The following ARHGEF28 variants were observed in gnomAD, a reference collection of about 807,000 sequenced individuals.
ARHGEF28 encodes the protein 190 kDa guanine nucleotide exchange factor.
Under a neutral mutation model 206.6 loss-of-function variants are expected in ARHGEF28, and 152 were observed. The ratio of observed to expected loss-of-function variants is 0.74; its 90% CI spans 0.64 to 0.84. ARHGEF28 has a LOEUF of 0.84. Among genes scored for constraint, ARHGEF28 ranks in the 40% least tolerant of loss-of-function variants. The pLI is 0.00. For synonymous variants in ARHGEF28, 763 were observed against 776.4 expected (o/e 0.98, Z 0.29); for missense variants, 2,028 against 2,073.2 (o/e 0.98, Z 0.42).
intron 22 of ARHGEF28, 136 bp from the exon 23 acceptor site, chr5:73,882,336 T>C: frequency 1.6e-6 from 1 of 642,468 alleles, no homozygotes; most frequent in East Asian, 3.4e-5. Flanking sequence ...AGGAGATAAG[T>C]GATTGTGTTC....
chr5:73,934,486 T>A (rs575110190), intron 35 of ARHGEF28, among the ~76,000 whole-genome samples: 9 of 152,216 alleles, frequency 5.9e-5, no homozygotes, highest in Non-Finnish European at 1.2e-4. Flanking sequence ...ATTGCCTGGG[T>A]GTAATATAGA....
At chr5:73,813,874 C>G (rs1216360254) in intron 9 of ARHGEF28, among the ~76,000 whole-genome samples, 1 of 150,392 alleles carries the variant, frequency 6.6e-6, no homozygotes, top group Admixed American at 6.6e-5. Flanking sequence ...TTTGAATCTA[C>G]CTACCTTGGT....
At chr5:73,683,695 A>G (rs1362986539) in intron 1 of ARHGEF28, among the ~76,000 whole-genome samples, 2 of 151,654 alleles carry the variant, frequency 1.3e-5, no homozygotes, top group Admixed American at 6.6e-5. Flanking sequence ...AGTGGGCTGC[A>G]TCCTACCCAT....
chr5:73,823,380 G>A (rs1756710062), intron 9 of ARHGEF28, among the ~76,000 whole-genome samples: 1 of 152,120 alleles, frequency 6.6e-6, no homozygotes, highest in Non-Finnish European at 1.5e-5. Context: ...TTAAAAATAT[G>A]ACTTTTTCAG....
intron 16 of ARHGEF28, among the ~76,000 whole-genome samples, chr5:73,863,836 A>G (rs1759543830): frequency 6.6e-6 from 1 of 152,016 alleles, no homozygotes; most frequent in Admixed American, 6.6e-5. Context: ...CAGCCGGGCC[A>G]ATGCATAGAT....
At chr5:73,811,511 G>A (rs1266914090) in intron 9 of ARHGEF28, among the ~76,000 whole-genome samples, 1 of 152,076 alleles carries the variant, frequency 6.6e-6, no homozygotes, top group African/African-American at 2.4e-5. Context: ...AGCGTCCTAG[G>A]CACCATTCTG....
intron 2 of ARHGEF28, among the ~76,000 whole-genome samples, chr5:73,698,281 T>A (rs573421085): frequency 1.3e-5 from 2 of 152,250 alleles, no homozygotes; most frequent in Non-Finnish European, 1.5e-5. Context: ...ACCCCACCCC[T>A]TACCCTGCAT....
At chr5:73,640,605 C>T (rs1275282637) in intron 1 of ARHGEF28, among the ~76,000 whole-genome samples, 2 of 152,128 alleles carry the variant, frequency 1.3e-5, no homozygotes, top group Non-Finnish European at 2.9e-5. Flanking sequence ...GTCTAAAATA[C>T]AGCTGTTCTT....
chr5:73,749,927 C>T lies in ARHGEF28; in HGVS notation c.124C>T (p.Arg42Ter), dbSNP rs758880284. The change falls in exon 3 of 36, where the codon CGA becomes TGA. Residue 42 changes from arginine (R) to a stop codon, truncating the protein, a stop_gained. Transcript: ENST00000513042. LOFTEE classifies it high-confidence loss of function. ...FYFTYDGSHQRHVMIAERIED... is the reference protein window; with the variant it reads ...FYFTYDGSHQ ...CTTTACTTATGACGGATCTCATCAGCGACATGTCATGATTGCAGAGCGCAT... is the reference window on the plus strand; with the variant it reads ...CTTTACTTATGACGGATCTCATCAGTGACATGTCATGATTGCAGAGCGCAT... The T allele has an allele frequency of 9.3e-6, 15 of 1,613,922 alleles. No individual in the cohort carries two copies. Among genetic ancestry groups the T allele is most frequent in the South Asian group, 5.5e-5 (5 of 91,064 alleles).
At position 73,794,412 on chromosome 5, in the gene ARHGEF28, T is replaced by C; in HGVS notation, c.921T>C (p.Asn307=). The C allele has an allele frequency of 6.2e-7, 1 of 1,601,838 alleles. No homozygotes were observed. Residue 307 remains asparagine (N), a synonymous_variant, in exon 8 of 36, where the codon AAT becomes AAC. Transcript: ENST00000513042. ...TTATTTCTTTTGCAGAGATTAAGAA[T>C]TCAGTGTCCAGCAGATCAGCAGCTG... ...SGAETEEEIK[N]SVSSRSAAEK... is the part of the protein sequence containing the mutation.
intron 2 of ARHGEF28, among the ~76,000 whole-genome samples, chr5:73,734,090 C>A (rs1457235035): frequency 1.3e-5 from 2 of 152,148 alleles, no homozygotes; most frequent in African/African-American, 4.8e-5. Context: ...TCCCACCAGG[C>A]CCCACCCCCA....
intron 17 of ARHGEF28, among the ~76,000 whole-genome samples, chr5:73,865,226 T>C (rs1348904977): frequency 6.6e-6 from 1 of 151,824 alleles, no homozygotes; most frequent in African/African-American, 2.4e-5. Context: ...ACTACACAGA[T>C]TTCTGGGCCC....
chr5:73,897,285 T>C (rs1762012639), intron 29 of ARHGEF28, among the ~76,000 whole-genome samples: 2 of 152,212 alleles, frequency 1.3e-5, no homozygotes, highest in South Asian at 4.1e-4. Flanking sequence ...CATGCTTCTG[T>C]ATGGTCTAGT....
At chr5:73,915,630 GC>G in intron 35 of ARHGEF28, among the ~76,000 whole-genome samples, 1 of 152,036 alleles carries the variant, frequency 6.6e-6, no homozygotes, top group South Asian at 2.1e-4. Context: ...ACTCTGAAAG[GC>G]AAAAACAAAG....
chr5:73,768,525 G>T (rs113807409), intron 4 of ARHGEF28, among the ~76,000 whole-genome samples: 1 of 152,244 alleles, frequency 6.6e-6, no homozygotes, highest in Middle Eastern at 3.4e-3. Context: ...TCAGACTTGC[G>T]TAGGGCCTGT....
At chr5:73,857,002 C>T (rs757810006) in intron 14 of ARHGEF28, among the ~76,000 whole-genome samples, 2 of 151,988 alleles carry the variant, frequency 1.3e-5, no homozygotes, top group Non-Finnish European at 2.9e-5. Context: ...AGAAAATAAA[C>T]GGTGTTCAGG....
At chr5:73,679,920 A>G (rs1465246565) in intron 1 of ARHGEF28, among the ~76,000 whole-genome samples, 2 of 152,130 alleles carry the variant, frequency 1.3e-5, no homozygotes, top group African/African-American at 4.8e-5. Flanking sequence ...ATTTGACCAC[A>G]TTGGAGTTCT....
At chr5:73,845,193 A>G (rs1057372630) in intron 11 of ARHGEF28, among the ~76,000 whole-genome samples, 2 of 151,608 alleles carry the variant, frequency 1.3e-5, no homozygotes, top group Non-Finnish European at 2.9e-5. Flanking sequence ...AATTTTTTGT[A>G]TTTTTAGTAG....
intron 9 of ARHGEF28, chr5:73,827,945 T>TA (rs1757014957): frequency 6.6e-6 from 1 of 152,198 alleles, no homozygotes; most frequent in Non-Finnish European, 1.5e-5. Flanking sequence ...TAGTTACATA[T>TA]AGAAGTGATA....
Sources: gnomAD v4.1 joint callset for allele counts (sites outside exome capture counted in the v4.1 genomes callset) on GRCh38, gnomAD v4.1.1 for gene constraint, MANE v1.5 for transcripts, NCBI Gene and HGNC (gene_info 2026-07-23, HGNC 2026-07-21) for gene names.